WASF1: variants seen among roughly 807,000 people sequenced by gnomAD.
WASF1 encodes actin-binding protein WASF1.
Under a neutral mutation model 50.5 loss-of-function variants are expected in WASF1, and 7 were observed. The ratio of observed to expected loss-of-function variants is 0.14; its 90% CI spans 0.08 to 0.26. The LOEUF (loss-of-function observed/expected upper bound fraction) is 0.26, where lower values mean the gene tolerates loss of function less well. Among genes scored for constraint, WASF1 ranks in the 10% least tolerant of loss-of-function variants. The pLI, the probability that WASF1 is intolerant of heterozygous loss-of-function variation, is 1.00. For missense variants in WASF1, 470 were observed against 694.7 expected, an observed-to-expected ratio of 0.68 and a Z score of 3.64; for synonymous variants, 205 against 244.0, an observed-to-expected ratio of 0.84 and a Z score of 1.49.
At chr6:110,154,893 GT>G in intron 3 of WASF1, among the ~76,000 whole-genome samples, 1 of 152,186 alleles carries the variant, frequency 6.6e-6, no homozygotes, top group African/African-American at 2.4e-5. Flanking sequence ...ATGTAAAGTT[GT>G]CCTTGGTGAA....
chr6:110,106,827 T>G (rs1317574270), intron 7 of WASF1, among the ~76,000 whole-genome samples: 1 of 152,216 alleles, frequency 6.6e-6, no homozygotes. Context: ...GCAGATGCTA[T>G]TTTGTGTTAT....
At chr6:110,154,461 T>C (rs1022685352) in intron 3 of WASF1, among the ~76,000 whole-genome samples, 1 of 152,028 alleles carries the variant, frequency 6.6e-6, no homozygotes, top group African/African-American at 2.4e-5. Flanking sequence ...AGGACAGTAA[T>C]TGCGTATTAT....
At chr6:110,125,599 T>A (rs954188785) in intron 4 of WASF1, among the ~76,000 whole-genome samples, 6 of 152,200 alleles carry the variant, frequency 3.9e-5, no homozygotes, top group Admixed American at 3.9e-4. Context: ...TCTAGAGGCC[T>A]TTTAAATTTA....
intron 4 of WASF1, among the ~76,000 whole-genome samples, chr6:110,118,364 A>T (rs1773910980): frequency 6.9e-6 from 1 of 145,660 alleles, no homozygotes; most frequent in African/African-American, 2.5e-5. Context: ...AAAAAAAAAA[A>T]AAAAAAAAAA....
At chr6:110,143,563 T>C (rs1291323588) in intron 3 of WASF1, among the ~76,000 whole-genome samples, 1 of 152,152 alleles carries the variant, frequency 6.6e-6, no homozygotes, top group Non-Finnish European at 1.5e-5. Context: ...AAATGGCCTG[T>C]AAAGTTTATT....
Position 110,168,557 on chromosome 6 carries a change from C to T in WASF1, c.-126-7825G>A, listed in dbSNP as rs1021891162. Among the ~76,000 whole-genome samples, 30 of 152,044 alleles carry T rather than the reference C, an allele frequency of 2.0e-4. 1 individual carries two copies. The highest frequency in any genetic ancestry group is 8.5e-4 in the Admixed American group (13 of 15,258). On this transcript the variant is annotated intron_variant, in intron 2 of 10. Transcript: ENST00000392589. ...GCAGCAATACATAACCACCTTCATCCCTCCAAGATTCCCACTTCAAATGAT... is the reference window on the plus strand; with the variant it reads ...GCAGCAATACATAACCACCTTCATCTCTCCAAGATTCCCACTTCAAATGAT...
At chr6:110,118,145 CA>C (rs1773896360) in intron 4 of WASF1, among the ~76,000 whole-genome samples, 1 of 151,696 alleles carries the variant, frequency 6.6e-6, no homozygotes, top group South Asian at 2.1e-4. Context: ...ATGACAGGAT[CA>C]AAATAAAACA....
At chr6:110,119,254 G>GT (rs1354809238) in intron 4 of WASF1, among the ~76,000 whole-genome samples, 47 of 152,008 alleles carry the variant, frequency 3.1e-4, no homozygotes, top group Non-Finnish European at 5.0e-4. Flanking sequence ...ACCAGGAGCT[G>GT]TTTTTTTGAA....
chr6:110,135,721 C>CTTTTTT (rs139834112), intron 3 of WASF1, among the ~76,000 whole-genome samples: 3 of 73,518 alleles, frequency 4.1e-5, no homozygotes, highest in African/African-American at 1.0e-4. Flanking sequence ...GGAAGATTAT[C>CTTTTTT]TTTTTTTTTT....
chr6:110,124,266 CTCTCTCTCTATATATATATATATA>C (rs1562170384), intron 4 of WASF1, among the ~76,000 whole-genome samples: 13 of 62,592 alleles, frequency 2.1e-4, no homozygotes, highest in African/African-American at 1.1e-3. Flanking sequence ...CTCTCTCTCT[CTCTCTCTCTATATATATATATATA>C]TATATATATA....
intron 3 of WASF1, among the ~76,000 whole-genome samples, chr6:110,133,258 T>C (rs1239093506): frequency 3.9e-5 from 6 of 152,182 alleles, no homozygotes; most frequent in African/African-American, 1.2e-4. Flanking sequence ...ATACATGCTA[T>C]ATACATCCAT....
chr6:110,175,952 C>T (rs1161615975), intron 2 of WASF1, among the ~76,000 whole-genome samples: 1 of 152,020 alleles, frequency 6.6e-6, no homozygotes, highest in African/African-American at 2.4e-5. Flanking sequence ...TTAGTATTAA[C>T]ATAATCCTAT....
At chr6:110,159,540 G>A (rs1330166120) in intron 3 of WASF1, among the ~76,000 whole-genome samples, 2 of 151,926 alleles carry the variant, frequency 1.3e-5, no homozygotes, top group South Asian at 2.1e-4. Flanking sequence ...GACACCAGAC[G>A]GTACCTGTTG....
At chr6:110,129,237 T>C (rs975762561) in intron 3 of WASF1, among the ~76,000 whole-genome samples, 4 of 151,972 alleles carry the variant, frequency 2.6e-5, no homozygotes, top group South Asian at 2.1e-4. Flanking sequence ...TAAGTCTACA[T>C]GAAATTTTAC....
rs141943257 is a variant in WASF1 at position 110,103,396 on chromosome 6, G to A, written c.875C>T (p.Pro292Leu). 154 of 1,612,734 alleles carry A rather than the reference G, an allele frequency of 9.5e-5. No individual in the cohort carries two copies. The highest frequency in any genetic ancestry group is 1.2e-4 in the Non-Finnish European group (144 of 1,179,248). ...PPMHGAGDAK[P>L]IPTCISSATG... ...AACATACCTGATACAGGTGGGTATC[G>A]GTTTTGCATCTCCTGCTCCATGCAT... Residue 292 changes from proline to leucine, a missense_variant, in exon 9 of 11, where the codon CCG becomes CTG. Physicochemically the swap from Pro to Leu is moderately conservative, Grantham distance 98. This residue lies in a region of WASF1 where 294 missense variants were observed against 343.5 expected (regional missense o/e 0.86). Transcript: ENST00000392589.
chr6:110,153,846 T>A (rs1206393296), intron 3 of WASF1, among the ~76,000 whole-genome samples: 1 of 151,874 alleles, frequency 6.6e-6, no homozygotes, highest in African/African-American at 2.4e-5. Flanking sequence ...GTCTGGTAAT[T>A]TGAGGTTTAT....
At chr6:110,134,410 G>A (rs760525659) in intron 3 of WASF1, among the ~76,000 whole-genome samples, 13 of 149,728 alleles carry the variant, frequency 8.7e-5, no homozygotes, top group Non-Finnish European at 1.8e-4. Context: ...CTGTTCCATT[G>A]TTCTATGTGC....
At chr6:110,145,012 T>C (rs1487381828) in intron 3 of WASF1, among the ~76,000 whole-genome samples, 1 of 152,316 alleles carries the variant, frequency 6.6e-6, no homozygotes, top group Admixed American at 6.5e-5. Flanking sequence ...ATTGGTAGCT[T>C]GATGGGGATG....
At chr6:110,139,125 A>G (rs1206037000) in intron 3 of WASF1, among the ~76,000 whole-genome samples, 2 of 152,160 alleles carry the variant, frequency 1.3e-5, no homozygotes, top group African/African-American at 4.8e-5. Context: ...TTGAGCACAC[A>G]CACACCTGGC....
Sources: gnomAD v4.1 joint callset for allele counts (sites outside exome capture counted in the v4.1 genomes callset) on GRCh38, gnomAD v4.1.1 for gene constraint, gnomAD v4.1.1 regional missense constraint, MANE v1.5 for transcripts, NCBI Gene and HGNC (gene_info 2026-07-23, HGNC 2026-07-21) for gene names.